Variants in SEMA3A observed in about 807,000 individuals in gnomAD.
SEMA3A encodes semaphorin-3A.
A neutral mutation model predicts 97.9 loss-of-function variants in SEMA3A; 29 were observed. The observed-to-expected ratio is 0.30, with a 90% CI of 0.22 to 0.40. The LOEUF (loss-of-function observed/expected upper bound fraction) is 0.40, where lower values mean the gene tolerates loss of function less well. Ranked by LOEUF, SEMA3A falls within the 10% of genes least tolerant of loss-of-function variation. SEMA3A has a pLI of 1.00. For missense variants in SEMA3A, 763 were observed against 951.3 expected, an observed-to-expected ratio of 0.80 and a Z score of 2.60; for synonymous variants, 321 against 323.7, an observed-to-expected ratio of 0.99 and a Z score of 0.09.
At chr7:84,004,053 A>G (rs1313986467) in intron 11 of SEMA3A, among the ~76,000 whole-genome samples, 1 of 142,496 alleles carries the variant, frequency 7.0e-6, no homozygotes, top group Non-Finnish European at 1.6e-5. Flanking sequence ...TCCTGTAGTT[A>G]ATGCAATTTT....
intron 4 of SEMA3A, among the ~76,000 whole-genome samples, chr7:84,084,807 G>A (rs1409280964): frequency 6.6e-6 from 1 of 151,966 alleles, no homozygotes; most frequent in Non-Finnish European, 1.5e-5. Flanking sequence ...CAGCATTCCT[G>A]GAATTTGACC....
intron 5 of SEMA3A, among the ~76,000 whole-genome samples, chr7:84,052,621 G>T (rs1792732809): frequency 6.6e-6 from 1 of 151,776 alleles, no homozygotes; most frequent in Non-Finnish European, 1.5e-5. Flanking sequence ...TATTAGTCTT[G>T]CTAGCGGCCT....
chr7:84,026,063 G>A (rs1791532641), intron 6 of SEMA3A, among the ~76,000 whole-genome samples: 1 of 152,152 alleles, frequency 6.6e-6, no homozygotes, highest in Non-Finnish European at 1.5e-5. Context: ...AAGTCTATTT[G>A]AACTAAATGG....
chr7:83,972,069 A>G (rs115138765), intron 15 of SEMA3A, among the ~76,000 whole-genome samples: 2,700 of 152,108 alleles, frequency 0.018, 71 homozygotes, highest in African/African-American at 0.062. Context: ...ATACATATAT[A>G]TACACATACA....
At chr7:84,264,179 CT>C (rs1584182595) in intron 3 of SEMA3A, among the ~76,000 whole-genome samples, 1 of 152,018 alleles carries the variant, frequency 6.6e-6, no homozygotes, top group Non-Finnish European at 1.5e-5. Context: ...TGTCTTCCTT[CT>C]AATACAAGTT....
chr7:84,453,816 G>A (rs1805623238), intron 1 of SEMA3A, among the ~76,000 whole-genome samples: 1 of 152,096 alleles, frequency 6.6e-6, no homozygotes, highest in African/African-American at 2.4e-5. Context: ...GACAGCTGTT[G>A]TTCAAATATC....
chr7:84,277,125 T>C (rs377229074), intron 3 of SEMA3A, among the ~76,000 whole-genome samples: 1 of 152,096 alleles, frequency 6.6e-6, no homozygotes, highest in Non-Finnish European at 1.5e-5. Flanking sequence ...ATGTCTACAG[T>C]TGTATGAGTC....
Position 84,264,426 on chromosome 7 carries a change from G to A in SEMA3A, c.-83+42781C>T, listed in dbSNP as rs557751432. Among the ~76,000 whole-genome samples the A allele has an allele frequency of 1.6e-4, 24 of 152,250 alleles. 1 individual carries two copies. In the South Asian group the frequency reaches 5.0e-3, roughly 32 times the overall value. ...CTAAGGATGGCAGCAGAATAGCCAA[G>A]AGTCTATAACAAAAATTACTTCTGC... On this transcript the variant is annotated intron_variant, in intron 3 of 3. Coordinates refer to the SEMA3A transcript ENST00000424555.
chr7:84,037,353 G>A (rs938499879), intron 6 of SEMA3A, among the ~76,000 whole-genome samples: 36 of 151,982 alleles, frequency 2.4e-4, no homozygotes, highest in African/African-American at 8.4e-4. Context: ...TTTGAGACAC[G>A]GTCTGGCTCT....
chr7:84,099,462 A>G (rs1235959321), intron 4 of SEMA3A, among the ~76,000 whole-genome samples: 2 of 151,838 alleles, frequency 1.3e-5, no homozygotes, highest in African/African-American at 4.8e-5. Context: ...TAATGGAGAA[A>G]CTCTCCTTTG....
intron 1 of SEMA3A, among the ~76,000 whole-genome samples, chr7:84,180,561 G>A (rs975755881): frequency 6.6e-5 from 10 of 152,036 alleles, no homozygotes; most frequent in Admixed American, 3.3e-4. Flanking sequence ...GGTGGCACAC[G>A]CTAATAATCC....
chr7:84,477,068 A>G (rs1441504181), intron 1 of SEMA3A, among the ~76,000 whole-genome samples: 1 of 125,444 alleles, frequency 8.0e-6, no homozygotes, highest in East Asian at 2.9e-4. Context: ...TTGTTAAAAA[A>G]AAAAAATATA....
intron 6 of SEMA3A, among the ~76,000 whole-genome samples, chr7:84,037,394 C>A (rs910856660): frequency 6.6e-6 from 1 of 152,048 alleles, no homozygotes; most frequent in African/African-American, 2.4e-5. Flanking sequence ...GTGGCATGAT[C>A]ATGGCTCACT....
intron 7 of SEMA3A, among the ~76,000 whole-genome samples, chr7:84,011,840 C>A (rs1790890890): frequency 2.6e-5 from 4 of 152,088 alleles, no homozygotes. Flanking sequence ...ATTCAAAAAT[C>A]AACATTGTTT....
intron 3 of SEMA3A, among the ~76,000 whole-genome samples, chr7:84,124,125 G>A (rs1795717342): frequency 6.6e-6 from 1 of 152,116 alleles, no homozygotes; most frequent in Admixed American, 6.6e-5. Context: ...ATAGCCATAG[G>A]AATGAGCTTT....
chr7:84,324,993 A>G (rs574737552), intron 2 of SEMA3A, among the ~76,000 whole-genome samples: 161 of 152,308 alleles, frequency 1.1e-3, no homozygotes, highest in Non-Finnish European at 1.8e-3. Flanking sequence ...AAGATACTTT[A>G]TAAAATATGA....
intron 3 of SEMA3A, among the ~76,000 whole-genome samples, chr7:84,260,948 T>A (rs1584179137): frequency 1.3e-5 from 2 of 152,206 alleles, no homozygotes; most frequent in Non-Finnish European, 2.9e-5. Flanking sequence ...GAGTGAAAAC[T>A]TATGGTGCTT....
intron 15 of SEMA3A, among the ~76,000 whole-genome samples, chr7:83,966,004 CACTT>C (rs1788681779): frequency 6.6e-6 from 1 of 151,696 alleles, no homozygotes; most frequent in Non-Finnish European, 1.5e-5. Flanking sequence ...AAAAAAAAAT[CACTT>C]AGTTGTCTTC....
intron 3 of SEMA3A, among the ~76,000 whole-genome samples, chr7:84,279,784 T>G (rs144779031): frequency 0.033 from 4,961 of 152,258 alleles, 92 homozygotes; most frequent in South Asian, 0.046. Context: ...TACCTAATAG[T>G]TGGAAGCCAG....
Sources: allele counts gnomAD v4.1 joint callset (sites outside exome capture counted in the v4.1 genomes callset), GRCh38; gene constraint gnomAD v4.1.1; transcripts MANE v1.5; gene names NCBI Gene and HGNC (gene_info 2026-07-23, HGNC 2026-07-21).